The following KCTD2 variants were observed in gnomAD, a reference collection of about 807,000 sequenced individuals.
The protein encoded by KCTD2 is potassium channel tetramerization domain containing 2.
In KCTD2, 18 loss-of-function variants were observed where a neutral mutation model predicts 27.9. The ratio of observed to expected loss-of-function variants is 0.64; its 90% confidence interval spans 0.45 to 0.96. KCTD2 has a LOEUF of 0.96. KCTD2 is among the 40% of genes least tolerant of loss of function. The pLI is 0.00. For missense variants in KCTD2, 280 were observed against 348.0 expected (o/e 0.80, Z 1.56); for synonymous variants, 175 against 148.4 (o/e 1.18, Z -1.30).
chr17:75,047,191 G>A, upstream of KCTD2: 3 of 503,782 alleles, frequency 6.0e-6, no homozygotes, highest in Non-Finnish European at 8.6e-6. Context: ...GGCTCTCCCT[G>A]CCGAGAAATG....
chr17:75,047,425 C>A lies in KCTD2; in HGVS notation c.175C>A (p.Pro59Thr). The A allele has an allele frequency of 1.5e-6, 2 of 1,371,284 alleles. No homozygotes were observed. The highest frequency in any genetic ancestry group is 3.3e-5 in the South Asian group (2 of 59,972). The allele number at this position is 1,371,284 out of a possible 1,614,324, so 84.9% of individuals were successfully genotyped here. Residue 59 changes from proline to threonine, a missense_variant, in exon 1 of 6, where the codon CCC (proline) becomes ACC (threonine). Transcript: ENST00000322444. ...CGTCGCGCAGCCGCTGGAGCCGGGT[C>A]CCGGACCACCCGAGCGGGCAGGGGG... Reference protein sequence around the residue: ...AAVAQPLEPGPGPPERAGGGG... With the variant: ...AAVAQPLEPGTGPPERAGGGG...
At chr17:75,050,562 C>G (rs1336775706) in intron 2 of KCTD2, among the ~76,000 whole-genome samples, 1 of 152,104 alleles carries the variant, frequency 6.6e-6, no homozygotes, top group Non-Finnish European at 1.5e-5. Flanking sequence ...CGCGCCCGAC[C>G]TGAGATGTTT....
Position 75,063,167 on chromosome 17 carries a change from CT to C in KCTD2, c.*121del. 1 of 967,324 alleles carries C rather than the reference CT, an allele frequency of 1.0e-6. No homozygotes were observed. The highest frequency in any genetic ancestry group is 1.6e-6 in the Non-Finnish European group (1 of 608,838). The allele number at this position is 967,324 out of a possible 1,614,324, so 59.9% of individuals were successfully genotyped here. A position where few individuals can be genotyped will look rare whatever the true frequency, so the allele number is the denominator to read the frequency against. On this transcript the variant is annotated 3_prime_UTR_variant, in exon 6 of 6. Coordinates refer to ENST00000322444, the MANE Select transcript of KCTD2 (RefSeq NM_015353.3). Reference sequence around the variant, plus strand: ...GCAAAGCACAGCTGATCCTGGCCCCCTGTGAAGAAGTGTTCTGGTCAAAACT... The same window carrying C: ...GCAAAGCACAGCTGATCCTGGCCCCCGTGAAGAAGTGTTCTGGTCAAAACT...
intron 3 of KCTD2, among the ~76,000 whole-genome samples, chr17:75,038,638 C>G (rs1340776123): frequency 6.6e-6 from 1 of 152,162 alleles, no homozygotes; most frequent in African/African-American, 2.4e-5. Flanking sequence ...CAATTCTTTA[C>G]TACATCACAG....
At chr17:75,039,334 A>G in intron 3 of KCTD2, 1 of 1,474,470 alleles carries the variant, frequency 6.8e-7, no homozygotes, top group Non-Finnish European at 9.5e-7. Context: ...GCAGCTGCTA[A>G]GGTAGGAGTC....
chr17:75,052,953 C>T (rs2073304486), intron 2 of KCTD2, 61 bp from the exon 3 acceptor site: 2 of 1,184,714 alleles, frequency 1.7e-6, no homozygotes, highest in South Asian at 1.2e-5. Context: ...TTCATCCTCT[C>T]CTTGGTGTTT....
At chr17:75,045,786 G>A (rs2073208924), upstream of KCTD2, among the ~76,000 whole-genome samples, 1 of 152,120 alleles carries the variant, frequency 6.6e-6, no homozygotes, top group Non-Finnish European at 1.5e-5. Context: ...ACAGGGTCCT[G>A]GAACGATATA....
intron 2 of KCTD2, among the ~76,000 whole-genome samples, chr17:75,050,849 T>C (rs2073276537): frequency 6.6e-6 from 1 of 152,096 alleles, no homozygotes; most frequent in Admixed American, 6.6e-5. Flanking sequence ...GATCTTTTTG[T>C]TGTTTTTTTA....
intron 3 of KCTD2, among the ~76,000 whole-genome samples, chr17:75,057,192 G>A (rs906259524): frequency 6.6e-6 from 1 of 151,966 alleles, no homozygotes; most frequent in South Asian, 2.1e-4. Flanking sequence ...GATCTTAGGC[G>A]AGCCACCAAC....
chr17:75,038,219 C>T (rs892762790), intron 3 of KCTD2, among the ~76,000 whole-genome samples: 1 of 151,906 alleles, frequency 6.6e-6, no homozygotes, highest in African/African-American at 2.4e-5. Context: ...CTCCCAGGTT[C>T]AATCAAGCCT....
chr17:75,060,608 G>T, intron 4 of KCTD2: 2 of 1,602,792 alleles, frequency 1.2e-6, no homozygotes, highest in Non-Finnish European at 8.5e-7. Flanking sequence ...CCCCGCTCTG[G>T]CTCGCCAGGT....
chr17:75,045,184 C>G (rs1278755287), upstream of KCTD2, among the ~76,000 whole-genome samples: 2 of 152,082 alleles, frequency 1.3e-5, no homozygotes, highest in Non-Finnish European at 2.9e-5. Flanking sequence ...TAGGGAGTTT[C>G]AAAAGGGGAG....
At chr17:75,059,379 T>C in intron 3 of KCTD2, 131 bp from the exon 4 acceptor site, 1 of 507,044 alleles carries the variant, frequency 2.0e-6, no homozygotes, top group Non-Finnish European at 3.5e-6. Flanking sequence ...AAGGGGATAG[T>C]GGGTGGCTGC....
intron 2 of KCTD2, among the ~76,000 whole-genome samples, chr17:75,034,324 G>C (rs1445514924): frequency 6.6e-6 from 1 of 152,074 alleles, no homozygotes; most frequent in Non-Finnish European, 1.5e-5. Flanking sequence ...AGAAGGCGAG[G>C]GGCGCAAACA....
chr17:75,034,310 C>T (rs1367093189), intron 2 of KCTD2, among the ~76,000 whole-genome samples: 3 of 152,040 alleles, frequency 2.0e-5, no homozygotes, highest in Non-Finnish European at 2.9e-5. Flanking sequence ...GAGGGTCCTG[C>T]AAGAGAAGGC....
At chr17:75,051,760 C>T (rs2073290702) in intron 2 of KCTD2, among the ~76,000 whole-genome samples, 1 of 152,006 alleles carries the variant, frequency 6.6e-6, no homozygotes, top group Admixed American at 6.6e-5. Flanking sequence ...TTTTATGTAA[C>T]CACAGACAGT....
chr17:75,049,393 G>C, intron 2 of KCTD2, 65 bp downstream of exon 2: 2 of 1,078,880 alleles, frequency 1.9e-6, no homozygotes, highest in South Asian at 1.3e-5. Flanking sequence ...TTGTTTTACA[G>C]ATTTCAATTT....
rs1335265618 is a variant in KCTD2 at position 75,047,451 on chromosome 17, C to A, written c.201C>A (p.Gly67=). Residue 67 remains glycine, a synonymous_variant, in exon 1 of 6, where the codon GGC becomes GGA. Coordinates refer to ENST00000322444, the MANE Select transcript of KCTD2 (RefSeq NM_015353.3). ...PGPGPPERAG[G]GGAARWVRLN... is the part of the protein sequence containing the mutation. ...CCGGACCACCCGAGCGGGCAGGGGG[C>A]GGCGGCGCGGCCCGCTGGGTCAGGC... 2.0e-6 allele frequency: 3 copies of A among 1,536,972 alleles called. No individual in the cohort carries two copies. Among genetic ancestry groups the A allele is most frequent in the Non-Finnish European group, 2.6e-6 (3 of 1,143,102 alleles).
At chr17:75,056,984 T>A (rs1357651189) in intron 3 of KCTD2, among the ~76,000 whole-genome samples, 1 of 139,072 alleles carries the variant, frequency 7.2e-6, no homozygotes, top group Non-Finnish European at 1.5e-5. Context: ...AGACAGAGTC[T>A]CGCTGTGTTG....
Sources: allele counts gnomAD v4.1 joint callset (sites outside exome capture counted in the v4.1 genomes callset), GRCh38; gene constraint gnomAD v4.1.1; transcripts MANE v1.5; gene names NCBI Gene and HGNC (gene_info 2026-07-23, HGNC 2026-07-21).